Variants in AMOTL1 observed in about 807,000 individuals in gnomAD.
AMOTL1 encodes the protein angiomotin-like protein 1.
AMOTL1 carries 45 observed loss-of-function variants against 102.9 expected under a neutral mutation model. The ratio of observed to expected loss-of-function variants is 0.44; its 90% CI spans 0.34 to 0.56. The LOEUF (loss-of-function observed/expected upper bound fraction) is 0.56. AMOTL1 is among the 20% of genes least tolerant of loss of function. AMOTL1 has a pLI of 0.01. For synonymous variants in AMOTL1, 481 were observed against 484.7 expected, an observed-to-expected ratio of 0.99 and a Z score of 0.10; for missense variants, 1,114 against 1,225.6, an observed-to-expected ratio of 0.91 and a Z score of 1.36.
intron 6 of AMOTL1, among the ~76,000 whole-genome samples, chr11:94,840,673 T>C (rs1367473249): frequency 2.3e-5 from 3 of 128,362 alleles, no homozygotes; most frequent in African/African-American, 8.9e-5. Flanking sequence ...TATATATATA[T>C]ATATATATAC....
At chr11:94,831,567 C>T in intron 6 of AMOTL1, 26 bp downstream of exon 6, 1 of 1,591,732 alleles carries the variant, frequency 6.3e-7, no homozygotes, top group Non-Finnish European at 8.6e-7. Flanking sequence ...TTTATTATCC[C>T]AAAGTTTGTT....
At chr11:94,824,691 A>G (rs1468902333) in intron 4 of AMOTL1, among the ~76,000 whole-genome samples, 4 of 152,158 alleles carry the variant, frequency 2.6e-5, no homozygotes, top group African/African-American at 4.8e-5. Context: ...AGATGAGGTG[A>G]CAACTTTGCT....
chr11:94,822,869 A>G (rs1951892939), intron 4 of AMOTL1, among the ~76,000 whole-genome samples: 1 of 152,204 alleles, frequency 6.6e-6, no homozygotes. Context: ...CAGGACAGCC[A>G]TAGAGCACTT....
chr11:94,721,740 GGTATTTTGTT>G (rs1267205258), intron 1 of AMOTL1, among the ~76,000 whole-genome samples: 1 of 152,072 alleles, frequency 6.6e-6, no homozygotes, highest in Non-Finnish European at 1.5e-5. Flanking sequence ...CCTAGACTGT[GGTATTTTGTT>G]ATAGCAGCTG....
intron 6 of AMOTL1, among the ~76,000 whole-genome samples, chr11:94,847,641 G>A (rs1428175047): frequency 1.3e-5 from 2 of 151,986 alleles, no homozygotes; most frequent in Non-Finnish European, 2.9e-5. Flanking sequence ...TTGTAAAGTA[G>A]TGAGCCTAGG....
At chr11:94,784,027 TTGTA>T (rs1219195539) in intron 1 of AMOTL1, among the ~76,000 whole-genome samples, 1 of 152,184 alleles carries the variant, frequency 6.6e-6, no homozygotes, top group African/African-American at 2.4e-5. Flanking sequence ...ATTCCTGTTT[TTGTA>T]TAGTACAAAG....
chr11:94,731,924 C>T (rs1950359581), intron 2 of AMOTL1, among the ~76,000 whole-genome samples: 1 of 152,192 alleles, frequency 6.6e-6, no homozygotes, highest in Non-Finnish European at 1.5e-5. Context: ...TGAAAACTAG[C>T]CCTGAGCAGG....
chr11:94,775,460 C>T (rs933565181), intron 1 of AMOTL1, among the ~76,000 whole-genome samples: 1 of 151,638 alleles, frequency 6.6e-6, no homozygotes, highest in African/African-American at 2.4e-5. Flanking sequence ...TCAGCTTCCT[C>T]AGAGTAGAGA....
At position 94,874,347 on chromosome 11, in the gene AMOTL1, T is replaced by C. The variant is rs1174932841; in HGVS notation, c.*3552T>C. 1.3e-5 allele frequency: 2 copies of C among 152,280 alleles called. No homozygotes were observed. The highest frequency in any genetic ancestry group is 4.8e-5 in the African/African-American group (2 of 41,476). 9.4% of individuals were successfully genotyped at this position (152,280 alleles called of 1,614,324 possible). On this transcript the variant is annotated 3_prime_UTR_variant, in exon 13 of 13. Coordinates refer to ENST00000433060, the MANE Select transcript of AMOTL1 (RefSeq NM_130847.3). ...CCCAGAGGCTGGCAGCCAGTGACAC[T>C]GCAGAGTTCAGCATGTTCTAACCAT...
chr11:94,749,084 A>T (rs1318109734), intron 3 of AMOTL1, among the ~76,000 whole-genome samples: 1 of 152,206 alleles, frequency 6.6e-6, no homozygotes, highest in African/African-American at 2.4e-5. Context: ...GTGATTATGG[A>T]GGGTGAGAAG....
chr11:94,846,929 A>T (rs948689252), intron 6 of AMOTL1, among the ~76,000 whole-genome samples: 1 of 152,214 alleles, frequency 6.6e-6, no homozygotes, highest in Non-Finnish European at 1.5e-5. Context: ...TACTTATTCA[A>T]CAAACATGGG....
At chr11:94,763,248 C>T (rs1439512140) in intron 3 of AMOTL1, among the ~76,000 whole-genome samples, 2 of 152,128 alleles carry the variant, frequency 1.3e-5, no homozygotes, top group African/African-American at 4.8e-5. Flanking sequence ...CCATCTGGTC[C>T]TGACAAAGGC....
At chr11:94,760,364 A>T (rs1199450698) in intron 3 of AMOTL1, among the ~76,000 whole-genome samples, 3 of 152,218 alleles carry the variant, frequency 2.0e-5, no homozygotes, top group Non-Finnish European at 2.9e-5. Flanking sequence ...CCATTCCCAG[A>T]CACCCAGGTA....
chr11:94,768,727 C>T (rs889404243), intron 1 of AMOTL1, among the ~76,000 whole-genome samples, 167 bp downstream of exon 1: 14 of 152,002 alleles, frequency 9.2e-5, no homozygotes, highest in African/African-American at 3.4e-4. Flanking sequence ...TTCCCTTGCC[C>T]CGCTCCAGGT....
chr11:94,718,319 C>A (rs186839922), intron 1 of AMOTL1, among the ~76,000 whole-genome samples: 1 of 151,886 alleles, frequency 6.6e-6, no homozygotes, highest in East Asian at 1.9e-4. Flanking sequence ...TATAACTATA[C>A]CTTACTTTAA....
rs190343179 is a variant in AMOTL1 at position 94,768,573 on chromosome 11, C to A, written c.49+13C>A. Reference sequence around the variant, plus strand: ...CCTGCGGTGAAAGGTAACCAGCCCCCACTCGAGGTGCCGGGAGGGCGTCTC... The same window carrying A: ...CCTGCGGTGAAAGGTAACCAGCCCCAACTCGAGGTGCCGGGAGGGCGTCTC... On this transcript the variant is annotated intron_variant, in intron 1 of 12. Transcript: ENST00000433060. 3.1e-6 allele frequency: 5 copies of A among 1,589,028 alleles called. No individual in the cohort carries two copies. Among genetic ancestry groups the A allele is most frequent in the East Asian group, 2.3e-5 (1 of 43,296 alleles).
chr11:94,799,720 G>A lies in AMOTL1; in HGVS notation c.530G>A (p.Arg177Gln), dbSNP rs752662945. 8 of 1,613,364 alleles carry A rather than the reference G, an allele frequency of 5.0e-6. No individual in the cohort carries two copies. The highest frequency in any genetic ancestry group is 6.8e-6 in the Non-Finnish European group (8 of 1,179,722). ...VDNTVMEKQVRSTQPQQNNEE... is the reference protein window; with the variant it reads ...VDNTVMEKQVQSTQPQQNNEE... ...AATACGGTGATGGAGAAACAGGTCCGGTCCACGCAGCCTCAGCAGAACAAC... is the reference window on the plus strand; with the variant it reads ...AATACGGTGATGGAGAAACAGGTCCAGTCCACGCAGCCTCAGCAGAACAAC... Residue 177 changes from arginine (R) to glutamine (Q), a missense_variant, in exon 3 of 13, where the codon CGG becomes CAG. By Grantham distance (43) the Arg-to-Gln change is conservative. Transcript: ENST00000433060. The surrounding 1 kb of genome is among the most constrained non-coding windows in gnomAD (Gnocchi z 4.5).
chr11:94,712,864 C>T (rs1950040540), intron 1 of AMOTL1, among the ~76,000 whole-genome samples: 1 of 151,842 alleles, frequency 6.6e-6, no homozygotes, highest in African/African-American at 2.4e-5. Flanking sequence ...TCAATTTTTC[C>T]TTTAATGGAT....
At chr11:94,804,377 T>A (rs1174225380) in intron 3 of AMOTL1, among the ~76,000 whole-genome samples, 1 of 152,212 alleles carries the variant, frequency 6.6e-6, no homozygotes, top group Non-Finnish European at 1.5e-5. Flanking sequence ...AACCTCTGCC[T>A]CCCAAGCTCA....
Sources: allele counts gnomAD v4.1 joint callset (sites outside exome capture counted in the v4.1 genomes callset), GRCh38; gene constraint gnomAD v4.1.1; non-coding constraint Gnocchi (gnomAD v3.1); transcripts MANE v1.5; gene names NCBI Gene and HGNC (gene_info 2026-07-23, HGNC 2026-07-21).